The following IRAK1BP1 variants were observed in gnomAD, a reference collection of about 807,000 sequenced individuals.
IRAK1BP1 encodes interleukin 1 receptor associated kinase 1 binding protein 1.
IRAK1BP1 carries 24 observed loss-of-function variants against 28.0 expected under a neutral mutation model. That is an observed-to-expected ratio of 0.86 (90% CI 0.62 to 1.20). The LOEUF (loss-of-function observed/expected upper bound fraction) is 1.20, where lower values mean the gene tolerates loss of function less well. IRAK1BP1 is among the 50% of genes most tolerant of loss of function. IRAK1BP1 has a pLI of 0.00. For synonymous variants in IRAK1BP1, 131 were observed against 116.3 expected, an observed-to-expected ratio of 1.13 and a Z score of -0.81; for missense variants, 336 against 316.7, an observed-to-expected ratio of 1.06 and a Z score of -0.46.
At chr6:78,943,376 T>C (rs948969013) in intron 4 of IRAK1BP1, among the ~76,000 whole-genome samples, 2 of 152,208 alleles carry the variant, frequency 1.3e-5, no homozygotes, top group African/African-American at 4.8e-5. Flanking sequence ...AGACCTCCGC[T>C]ATCATAATGC....
chr6:78,974,512 G>A, the IRAK1BP1 span, among the ~76,000 whole-genome samples: 1 of 151,404 alleles, frequency 6.6e-6, no homozygotes, highest in Non-Finnish European at 1.5e-5. Context: ...CAGAAGGCAA[G>A]AAATAACTAA....
At chr6:78,944,925 G>A (rs925110447) in intron 4 of IRAK1BP1, among the ~76,000 whole-genome samples, 1 of 152,084 alleles carries the variant, frequency 6.6e-6, no homozygotes, top group Non-Finnish European at 1.5e-5. Flanking sequence ...TTCTACAGTT[G>A]TAGACAACCC....
chr6:78,874,993 A>G (rs1770942938), intron 1 of IRAK1BP1, among the ~76,000 whole-genome samples: 1 of 152,236 alleles, frequency 6.6e-6, no homozygotes, highest in South Asian at 2.1e-4. Context: ...CAAACTATGC[A>G]TCTGACAAAG....
At chr6:78,939,015 T>C (rs1034477855) in intron 4 of IRAK1BP1, 4 of 151,774 alleles carry the variant, frequency 2.6e-5, no homozygotes, top group Admixed American at 1.3e-4. Context: ...AAAAATGTAG[T>C]ATCTGAAAAT....
the IRAK1BP1 span, among the ~76,000 whole-genome samples, chr6:78,977,023 T>TG: frequency 1.0e-4 from 11 of 108,176 alleles, no homozygotes; most frequent in Non-Finnish European, 1.9e-4. Context: ...ATCCCATTAC[T>TG]GGGTATATAC....
At chr6:78,933,672 T>C (rs2127671410) in intron 4 of IRAK1BP1, among the ~76,000 whole-genome samples, 1 of 133,102 alleles carries the variant, frequency 7.5e-6, no homozygotes, top group East Asian at 1.9e-4. Flanking sequence ...TTCCAACTTT[T>C]TTTTTTTTTT....
Position 78,889,231 on chromosome 6 carries a change from T to C in IRAK1BP1, c.381+3788T>C, listed in dbSNP as rs114240433. Among the ~76,000 whole-genome samples, 250 of 152,146 alleles carry C rather than the reference T, an allele frequency of 1.6e-3. 1 individual carries two copies. Among genetic ancestry groups the C allele is most frequent in the African/African-American group, 5.4e-3 (225 of 41,518 alleles). On this transcript the variant is annotated intron_variant, in intron 2 of 3. Transcript: ENST00000369940. ...TGAAATTCTTTATCTACCTTCCACCTGCCATGCTGCTTCTCTTTGTTTCAA... is the reference window on the plus strand; with the variant it reads ...TGAAATTCTTTATCTACCTTCCACCCGCCATGCTGCTTCTCTTTGTTTCAA...
chr6:78,977,586 A>AGACCTTCAAG, the IRAK1BP1 span, among the ~76,000 whole-genome samples: 1 of 102,420 alleles, frequency 9.8e-6, no homozygotes, highest in Non-Finnish European at 2.3e-5. Flanking sequence ...TGAATAATGA[A>AGACCTTCAAG]GACCTTCAAG....
chr6:78,943,256 G>A (rs1017160078), intron 4 of IRAK1BP1, among the ~76,000 whole-genome samples: 2 of 152,010 alleles, frequency 1.3e-5, no homozygotes, highest in African/African-American at 4.8e-5. Context: ...GTCATTATTT[G>A]TAATAAAACA....
At chr6:78,954,691 G>C in the IRAK1BP1 span, 1 of 633,646 alleles carries the variant, frequency 1.6e-6, no homozygotes, top group Non-Finnish European at 2.6e-6. Flanking sequence ...TGGATAATGA[G>C]AACATGTATA....
the IRAK1BP1 span, among the ~76,000 whole-genome samples, chr6:78,972,783 G>A: frequency 6.6e-6 from 1 of 152,072 alleles, no homozygotes; most frequent in Non-Finnish European, 1.5e-5. Flanking sequence ...TATCAGCAAT[G>A]GAAGATGAAA....
chr6:78,946,619 G>A, downstream of IRAK1BP1: 1 of 1,453,290 alleles, frequency 6.9e-7, no homozygotes, highest in East Asian at 2.5e-5. Context: ...TGCAATATAG[G>A]GAATAGTAAA....
At chr6:78,916,871 G>C (rs1772573857) in intron 4 of IRAK1BP1, among the ~76,000 whole-genome samples, 1 of 152,070 alleles carries the variant, frequency 6.6e-6, no homozygotes, top group African/African-American at 2.4e-5. Flanking sequence ...TTGAACCCAG[G>C]AAGTGGAGGT....
At chr6:78,978,772 T>G in the IRAK1BP1 span, 1 of 1,331,780 alleles carries the variant, frequency 7.5e-7, no homozygotes, top group Non-Finnish European at 1.1e-6. Flanking sequence ...TCCACAAATC[T>G]ACTCTTTAAA....
At chr6:78,877,735 T>A (rs1187190617) in intron 1 of IRAK1BP1, among the ~76,000 whole-genome samples, 6 of 152,120 alleles carry the variant, frequency 3.9e-5, no homozygotes, top group Non-Finnish European at 8.8e-5. Flanking sequence ...GAATTCCCTT[T>A]CCTAGCCAAG....
At chr6:78,974,623 C>G in the IRAK1BP1 span, among the ~76,000 whole-genome samples, 49,679 of 151,818 alleles carry the variant, frequency 0.33, 9,773 homozygotes, top group East Asian at 0.69. Flanking sequence ...ATCGATAGAC[C>G]GCCAGCAAGA....
intron 2 of IRAK1BP1, among the ~76,000 whole-genome samples, chr6:78,892,457 T>C (rs1771696268): frequency 6.6e-6 from 1 of 152,204 alleles, no homozygotes. Context: ...CTTTAAATCA[T>C]ATTTTTTTCA....
At chr6:78,871,029 T>C (rs1432762649) in intron 1 of IRAK1BP1, among the ~76,000 whole-genome samples, 6 of 152,238 alleles carry the variant, frequency 3.9e-5, no homozygotes, top group African/African-American at 1.4e-4. Flanking sequence ...AACAATACTT[T>C]ATATTGTCTT....
At chr6:78,944,991 CAAT>C in intron 4 of IRAK1BP1, among the ~76,000 whole-genome samples, 1 of 151,792 alleles carries the variant, frequency 6.6e-6, no homozygotes, top group Non-Finnish European at 1.5e-5. Flanking sequence ...TTTTGTGATC[CAAT>C]AATTACTTAA....
Sources: allele counts gnomAD v4.1 joint callset (sites outside exome capture counted in the v4.1 genomes callset), GRCh38; gene constraint gnomAD v4.1.1; transcripts MANE v1.5; gene names NCBI Gene and HGNC (gene_info 2026-07-23, HGNC 2026-07-21).